STAG1: variants seen among roughly 807,000 people sequenced by gnomAD.
The protein encoded by STAG1 is STAG1 cohesin complex component.
STAG1 carries 26 observed loss-of-function variants against 170.9 expected under a neutral mutation model. The observed-to-expected ratio is 0.15, with a 90% CI of 0.11 to 0.21. STAG1 has a LOEUF of 0.21. Ranked by LOEUF, STAG1 falls within the 10% of genes least tolerant of loss-of-function variation. The probability of loss-of-function intolerance (pLI) is 1.00; values close to 1 mark genes in which losing one functional copy is unlikely to be tolerated. For synonymous variants in STAG1, 514 were observed against 497.7 expected (o/e 1.03, Z -0.44); for missense variants, 964 against 1,509.5 (o/e 0.64, Z 5.99).
At chr3:136,560,932 G>A (rs527426112) in intron 5 of STAG1, among the ~76,000 whole-genome samples, 3 of 152,088 alleles carry the variant, frequency 2.0e-5, no homozygotes, top group South Asian at 4.2e-4. Context: ...GGGTGGGGAC[G>A]GGGCGAATTG....
chr3:136,412,534 G>T (rs1440458187), intron 21 of STAG1, among the ~76,000 whole-genome samples: 1 of 152,210 alleles, frequency 6.6e-6, no homozygotes, highest in East Asian at 1.9e-4. Context: ...TTTAGTCAGT[G>T]ATCAGAGTTA....
chr3:136,657,304 T>G (rs1941419873), intron 1 of STAG1, among the ~76,000 whole-genome samples: 2 of 150,922 alleles, frequency 1.3e-5, no homozygotes, highest in South Asian at 4.2e-4. Flanking sequence ...GTTCAAGCAA[T>G]TCTTGTCCCT....
intron 1 of STAG1, among the ~76,000 whole-genome samples, chr3:136,727,820 A>T (rs1345845888): frequency 1.3e-5 from 2 of 152,138 alleles, no homozygotes; most frequent in Non-Finnish European, 2.9e-5. Context: ...CTTTGGGAGG[A>T]AAAACATCTA....
intron 1 of STAG1, among the ~76,000 whole-genome samples, chr3:136,669,592 C>A (rs1941917475): frequency 6.6e-6 from 1 of 152,158 alleles, no homozygotes; most frequent in South Asian, 2.1e-4. Context: ...CTCCTAGACT[C>A]AAGTGACCTG....
At chr3:136,672,430 AT>A (rs1243644453) in intron 1 of STAG1, among the ~76,000 whole-genome samples, 2 of 152,200 alleles carry the variant, frequency 1.3e-5, no homozygotes, top group African/African-American at 4.8e-5. Context: ...ACTGTGACCA[AT>A]TTTGTCTGTA....
At chr3:136,625,775 A>T (rs1272027589) in intron 2 of STAG1, among the ~76,000 whole-genome samples, 6 of 152,198 alleles carry the variant, frequency 3.9e-5, no homozygotes, top group Admixed American at 3.9e-4. Flanking sequence ...CTGCTTATTC[A>T]AGCCATTCTA....
At chr3:136,365,687 T>C (rs576259406) in intron 25 of STAG1, among the ~76,000 whole-genome samples, 3 of 152,172 alleles carry the variant, frequency 2.0e-5, no homozygotes, top group African/African-American at 7.2e-5. Context: ...ACAGAATACA[T>C]TATTAAATTA....
At chr3:136,615,795 G>GA (rs1243821857) in intron 3 of STAG1, among the ~76,000 whole-genome samples, 5 of 148,062 alleles carry the variant, frequency 3.4e-5, no homozygotes, top group Non-Finnish European at 7.5e-5. Context: ...AAAAGAAAAT[G>GA]AAAAAAAAGA....
chr3:136,615,995 G>A (rs1345898930), intron 3 of STAG1, among the ~76,000 whole-genome samples: 1 of 151,576 alleles, frequency 6.6e-6, no homozygotes, highest in Non-Finnish European at 1.5e-5. Flanking sequence ...GACGCTGGGC[G>A]CAGTGGCTCG....
intron 22 of STAG1, among the ~76,000 whole-genome samples, chr3:136,398,183 T>G (rs545183279): frequency 6.6e-6 from 1 of 152,100 alleles, no homozygotes; most frequent in East Asian, 1.9e-4. Context: ...AGTGGCGTGA[T>G]CTGAGCTCAC....
intron 1 of STAG1, among the ~76,000 whole-genome samples, chr3:136,684,669 G>A (rs549264951): frequency 7.9e-5 from 12 of 151,572 alleles, no homozygotes; most frequent in Non-Finnish European, 1.3e-4. Flanking sequence ...GAGAATCATC[G>A]GGAGATTGAG....
chr3:136,428,296 T>C (rs915227924), intron 16 of STAG1, among the ~76,000 whole-genome samples: 2 of 152,146 alleles, frequency 1.3e-5, no homozygotes, highest in Non-Finnish European at 2.9e-5. Context: ...CAGTAATGTC[T>C]AACAAGAAGG....
chr3:136,349,072 C>T, intron 29 of STAG1, 86 bp downstream of exon 29: 1 of 1,035,304 alleles, frequency 9.7e-7, no homozygotes, highest in Non-Finnish European at 1.5e-6. Context: ...GTGCCTGATA[C>T]TATTATCTTG....
chr3:136,570,623 G>A (rs1256174598), intron 4 of STAG1, among the ~76,000 whole-genome samples: 3 of 152,208 alleles, frequency 2.0e-5, no homozygotes, highest in Admixed American at 1.3e-4. Flanking sequence ...CTCATAACAA[G>A]TTGTAATAAA....
At chr3:136,714,683 G>A (rs534422760) in intron 1 of STAG1, among the ~76,000 whole-genome samples, 76 of 151,966 alleles carry the variant, frequency 5.0e-4, no homozygotes, top group Non-Finnish European at 3.2e-4. Flanking sequence ...AGCCAAGATC[G>A]TGCCACTGCA....
At position 136,363,403 on chromosome 3, in the gene STAG1, A is replaced by G; in HGVS notation, c.2750T>C (p.Ile917Thr). The G allele has an allele frequency of 6.2e-7, 1 of 1,607,734 alleles. No homozygotes were observed. The highest frequency in any genetic ancestry group is 8.5e-7 in the Non-Finnish European group (1 of 1,175,486). ...GAGAATGAGAGTCTTGGCACACTGA[A>G]TTTTATCAATCTGCCTGGTTTTACT... ...TLSKTRQIDK[I>T]QCAKTLILSL... is the part of the protein sequence containing the mutation. The change falls in exon 26 of 34, where the codon ATT (isoleucine) becomes ACT (threonine). Residue 917 changes from isoleucine (I) to threonine (T), a missense_variant. By Grantham distance (89) the Ile-to-Thr change is moderately conservative. Transcript: ENST00000383202.
intron 18 of STAG1, 52 bp downstream of exon 18, chr3:136,422,716 A>G: frequency 6.6e-7 from 1 of 1,525,092 alleles, no homozygotes; most frequent in Non-Finnish European, 8.9e-7. Flanking sequence ...CATGAAAATA[A>G]TTCAGTTAAT....
At chr3:136,623,041 AT>A (rs1490677641) in intron 3 of STAG1, 104 bp downstream of exon 3, 18 of 945,554 alleles carry the variant, frequency 1.9e-5, no homozygotes, top group South Asian at 7.1e-5. Context: ...GTGTCACTGA[AT>A]TTTTTTTAAG....
At chr3:136,520,630 A>G (rs1284684528) in intron 7 of STAG1, among the ~76,000 whole-genome samples, 1 of 151,900 alleles carries the variant, frequency 6.6e-6, no homozygotes, top group Non-Finnish European at 1.5e-5. Context: ...AGTTGTCATG[A>G]TAATTCTAAA....
Sources: allele counts gnomAD v4.1 joint callset (sites outside exome capture counted in the v4.1 genomes callset), GRCh38; gene constraint gnomAD v4.1.1; transcripts MANE v1.5; gene names NCBI Gene and HGNC (gene_info 2026-07-23, HGNC 2026-07-21).